SECISBP2: variants seen among roughly 807,000 people sequenced by gnomAD.
SECISBP2 encodes the protein selenocysteine insertion sequence-binding protein 2.
In SECISBP2, 96 loss-of-function variants were observed where a neutral mutation model predicts 98.2. The ratio of observed to expected loss-of-function variants is 0.98; its 90% CI spans 0.83 to 1.16. SECISBP2 has a LOEUF of 1.16. SECISBP2 is among the 50% of genes most tolerant of loss of function. SECISBP2 has a pLI of 0.00. For synonymous variants in SECISBP2, 407 were observed against 370.2 expected (o/e 1.10, Z -1.14); for missense variants, 1,046 against 1,022.9 (o/e 1.02, Z -0.31).
downstream of SECISBP2, chr9:89,363,399 C>T (rs1833063600): frequency 6.2e-7 from 1 of 1,607,256 alleles, no homozygotes; most frequent in Non-Finnish European, 8.5e-7. Context: ...GGCTCCAGCC[C>T]TCCTTTCTTT....
At chr9:89,319,964 T>C (rs1825431825) in intron 2 of SECISBP2, among the ~76,000 whole-genome samples, 167 bp downstream of exon 2, 1 of 152,184 alleles carries the variant, frequency 6.6e-6, no homozygotes, top group African/African-American at 2.4e-5. Context: ...CTGTATCCTG[T>C]GCCAAAAACA....
intron 2 of SECISBP2, among the ~76,000 whole-genome samples, chr9:89,321,039 T>A (rs1157117469): frequency 5.3e-5 from 8 of 152,264 alleles, no homozygotes; most frequent in Admixed American, 4.6e-4. Flanking sequence ...TAGGAAATAC[T>A]GAAAGTTGTA....
intron 1 of SECISBP2, chr9:89,318,885 C>T: frequency 8.0e-7 from 1 of 1,245,250 alleles, no homozygotes; most frequent in Non-Finnish European, 1.0e-6. Flanking sequence ...GCCCGGCGCT[C>T]CCCGCAGTCG....
intron 9 of SECISBP2, among the ~76,000 whole-genome samples, chr9:89,340,588 A>G (rs895817717): frequency 1.4e-4 from 21 of 152,190 alleles, no homozygotes; most frequent in Non-Finnish European, 2.2e-4. Context: ...TTTCAATTCA[A>G]TGTTATAATT....
intron 14 of SECISBP2, among the ~76,000 whole-genome samples, chr9:89,352,818 G>T (rs1241578818): frequency 6.7e-6 from 1 of 148,728 alleles, no homozygotes; most frequent in Non-Finnish European, 1.5e-5. Context: ...TTTGGGAGCT[G>T]TTTTTGTCCT....
In SECISBP2 at chr9:89,318,630, C is replaced by T. The variant is rs1055240703; in HGVS notation, c.36+18C>T. 8.4e-6 allele frequency: 12 copies of T among 1,420,740 alleles called. No individual in the cohort carries two copies. Among genetic ancestry groups the T allele is most frequent in the Admixed American group, 3.1e-5 (1 of 32,528 alleles). 88.0% of individuals were successfully genotyped at this position (1,420,740 alleles called of 1,614,324 possible). On this transcript the variant is annotated intron_variant, in intron 1 of 16. Transcript: ENST00000375807. The stretch of plus-strand genomic sequence containing the variant: ...AAAGCGAGGTAAGGGCCGACGGGGG[C>T]TCTCTCGGCAGCCTCAGTCCGTCCG...
At chr9:89,341,317 T>G in intron 9 of SECISBP2, 30 bp from the exon 10 acceptor site, 1 of 1,597,876 alleles carries the variant, frequency 6.3e-7, no homozygotes. Flanking sequence ...TATAGTTTTA[T>G]AAGTAAACTT....
In SECISBP2 at chr9:89,357,490, C is replaced by T; in HGVS notation, c.2193C>T (p.Arg731=). The change falls in exon 15 of 17, where the codon CGC becomes CGT. Residue 731 remains arginine, a synonymous_variant. Transcript: ENST00000375807. ...TTCCCTTTGTGTTTGCTCTCAACCG[C>T]AAAGCTCTGGGGCGCAGTTTGAATA... ...QNIPFVFALN[R]KALGRSLNKA... is the part of the protein sequence containing the mutation. 1 of 1,614,222 alleles carries T rather than the reference C, an allele frequency of 6.2e-7. No homozygotes were observed. Among genetic ancestry groups the T allele is most frequent in the Non-Finnish European group, 8.5e-7 (1 of 1,180,044 alleles).
intron 14 of SECISBP2, among the ~76,000 whole-genome samples, chr9:89,351,404 C>T (rs533846336): frequency 2.6e-5 from 4 of 152,214 alleles, no homozygotes; most frequent in African/African-American, 7.2e-5. Flanking sequence ...TCATGTTTAC[C>T]CTGTGCTTGT....
At chr9:89,357,670 A>G (rs528496488) in intron 15 of SECISBP2, 105 bp downstream of exon 15, 79 of 1,409,812 alleles carry the variant, frequency 5.6e-5, no homozygotes, top group Admixed American at 1.7e-4. Flanking sequence ...AACCTCCAGT[A>G]GGCTGTCATT....
downstream of SECISBP2, chr9:89,364,157 C>T (rs1418991801): frequency 9.7e-7 from 1 of 1,031,490 alleles, no homozygotes; most frequent in Non-Finnish European, 1.4e-6. Flanking sequence ...TGTGGACTTC[C>T]TGCTCTTTGA....
In SECISBP2 at chr9:89,358,820, T is replaced by G. The variant is rs1564461787; in HGVS notation, c.2561T>G (p.Leu854Ter). ...ASTSQMMNLN[L>*] Reference sequence around the variant, plus strand: ...ACCTCTCAAATGATGAATTTGAATTTATGAGAGTTCTTGCCTGTGTGTCTG... The same window carrying G: ...ACCTCTCAAATGATGAATTTGAATTGATGAGAGTTCTTGCCTGTGTGTCTG... The change falls in exon 17 of 17, where the codon TTA becomes TGA. Residue 854 changes from leucine (L) to a stop codon, truncating the protein, a stop_gained. Transcript: ENST00000375807. LOFTEE classifies it high-confidence loss of function. 1 of 1,603,366 alleles carries G rather than the reference T, an allele frequency of 6.2e-7. No homozygotes were observed. Among genetic ancestry groups the G allele is most frequent in the East Asian group, 2.2e-5 (1 of 44,852 alleles).
chr9:89,321,072 A>G (rs1284781164), intron 2 of SECISBP2, among the ~76,000 whole-genome samples: 2 of 152,236 alleles, frequency 1.3e-5, no homozygotes, highest in Non-Finnish European at 2.9e-5. Flanking sequence ...AAGTTGAAAC[A>G]CTACCTTTAT....
rs1832525409 is a variant in SECISBP2, at chr9:89,358,928, G to A, written c.*104G>A. ...TCATGACAATGTAATTTGTGTAACT[G>A]TTGAATCTGGAAATTGATCAGCATT... On this transcript the variant is annotated 3_prime_UTR_variant, in exon 17 of 17. Coordinates refer to ENST00000375807, the MANE Select transcript of SECISBP2 (RefSeq NM_024077.5). 1 of 758,912 alleles carries A rather than the reference G, an allele frequency of 1.3e-6. No homozygotes were observed. Among genetic ancestry groups the A allele is most frequent in the South Asian group, 1.5e-5 (1 of 68,364 alleles). The allele number at this position is 758,912 out of a possible 1,614,324, so 47.0% of individuals were successfully genotyped here.
Position 89,346,766 on chromosome 9 carries a change from G to A in SECISBP2, c.1436-116G>A, listed in dbSNP as rs1023274502. 8 of 1,120,646 alleles carry A rather than the reference G, an allele frequency of 7.1e-6. No individual in the cohort carries two copies. The African/African-American group carries it at 1.1e-4, about 15-fold the overall frequency. 69.4% of individuals were successfully genotyped at this position (1,120,646 alleles called of 1,614,324 possible). The stretch of plus-strand genomic sequence containing the variant: ...GAAGGGTTGTGGGGACAAGCTGGGG[G>A]TGACTTGGCAAACTCCTTCAGATAC... On this transcript the variant is annotated intron_variant, in intron 10 of 16. Coordinates refer to ENST00000375807, the MANE Select transcript of SECISBP2 (RefSeq NM_024077.5).
At chr9:89,362,441 T>C, downstream of SECISBP2, 1 of 1,613,986 alleles carries the variant, frequency 6.2e-7, no homozygotes, top group Non-Finnish European at 8.5e-7. Flanking sequence ...GAAAGAACAA[T>C]GTGGTCTTTG....
Position 89,328,890 on chromosome 9 carries a change from A to T in SECISBP2, c.801+4A>T. 6.2e-7 allele frequency: 1 copy of T among 1,605,272 alleles called. No individual in the cohort carries two copies. Among genetic ancestry groups the T allele is most frequent in the Middle Eastern group, 1.7e-4 (1 of 6,050 alleles). On this transcript the variant is annotated splice_donor_region_variant and intron_variant, in intron 5 of 16. Coordinates refer to ENST00000375807, the MANE Select transcript of SECISBP2 (RefSeq NM_024077.5). ...ACCAGCTGCAGTGTTATCAAAGGTG[A>T]GGTGAGGGTTTCTCTCTTTTTCTTT... is the stretch of plus-strand genomic sequence containing the variant.
intron 6 of SECISBP2, chr9:89,333,943 A>G: frequency 1.2e-6 from 1 of 829,610 alleles, no homozygotes; most frequent in Non-Finnish European, 1.5e-6. Flanking sequence ...AGTCTGTTTT[A>G]CCCTTGGGGG....
intron 1 of SECISBP2, chr9:89,318,905 G>T (rs1473853789): frequency 7.3e-6 from 9 of 1,234,048 alleles, no homozygotes; most frequent in Non-Finnish European, 9.1e-6. Flanking sequence ...GGGGCGGGGG[G>T]ACTCTGGCGA....
Sources: allele counts gnomAD v4.1 joint callset (sites outside exome capture counted in the v4.1 genomes callset), GRCh38; gene constraint gnomAD v4.1.1; transcripts MANE v1.5; gene names NCBI Gene and HGNC (gene_info 2026-07-23, HGNC 2026-07-21).